The following NFKB1 variants were observed in gnomAD, a reference collection of about 807,000 sequenced individuals.
The protein encoded by NFKB1 is nuclear factor kappa B subunit 1, also known as nuclear factor NF-kappa-B p105 subunit.
A neutral mutation model predicts 105.1 loss-of-function variants in NFKB1; 9 were observed. The ratio of observed to expected loss-of-function variants is 0.09; its 90% CI spans 0.05 to 0.15. The LOEUF (loss-of-function observed/expected upper bound fraction) is 0.15. Ranked by LOEUF, NFKB1 falls within the 10% of genes least tolerant of loss-of-function variation. The pLI is 1.00. For synonymous variants in NFKB1, 440 were observed against 442.2 expected (o/e 1.00, Z 0.06); for missense variants, 830 against 1,203.7 (o/e 0.69, Z 4.59).
chr4:102,527,723 G>A (rs773808766), intron 2 of NFKB1, among the ~76,000 whole-genome samples: 10 of 152,020 alleles, frequency 6.6e-5, no homozygotes, highest in Admixed American at 6.6e-5. Flanking sequence ...TATCAAAACC[G>A]TTTGTTTTAC....
intron 9 of NFKB1, among the ~76,000 whole-genome samples, chr4:102,581,801 CTTAGTCA>C (rs1430377829): frequency 6.6e-6 from 1 of 152,116 alleles, no homozygotes; most frequent in East Asian, 1.9e-4. Flanking sequence ...AAATGAGATC[CTTAGTCA>C]TTATCATTAC....
At chr4:102,575,939 G>A (rs1238212737) in intron 6 of NFKB1, among the ~76,000 whole-genome samples, 1 of 152,172 alleles carries the variant, frequency 6.6e-6, no homozygotes, top group Admixed American at 6.5e-5. Flanking sequence ...GCACTGATAA[G>A]GATCTGCATA....
chr4:102,571,719 A>G (rs1724380652), intron 6 of NFKB1, among the ~76,000 whole-genome samples: 2 of 152,260 alleles, frequency 1.3e-5, no homozygotes, highest in South Asian at 4.1e-4. Context: ...TGCAGCCAAA[A>G]GACACATGAA....
chr4:102,549,532 G>A (rs1722410851), intron 5 of NFKB1, among the ~76,000 whole-genome samples: 1 of 151,112 alleles, frequency 6.6e-6, no homozygotes, highest in Non-Finnish European at 1.5e-5. Flanking sequence ...GTTTCATGGT[G>A]TTGAGTTATA....
chr4:102,542,569 C>T (rs1742074374), intron 5 of NFKB1, among the ~76,000 whole-genome samples: 2 of 152,160 alleles, frequency 1.3e-5, no homozygotes, highest in Admixed American at 1.3e-4. Flanking sequence ...ACTTATCCAT[C>T]ACTTTGTCCT....
chr4:102,534,687 G>A (rs1032673867), intron 4 of NFKB1, among the ~76,000 whole-genome samples: 1 of 152,184 alleles, frequency 6.6e-6, no homozygotes, highest in Non-Finnish European at 1.5e-5. Flanking sequence ...GTAAATCTTT[G>A]GATGGATAAA....
intron 1 of NFKB1, among the ~76,000 whole-genome samples, chr4:102,523,451 A>C (rs922116709): frequency 6.6e-6 from 1 of 152,166 alleles, no homozygotes; most frequent in Non-Finnish European, 1.5e-5. Context: ...TCACTCACAC[A>C]GTGCTCCAGC....
At chr4:102,541,205 C>G (rs191074437) in intron 5 of NFKB1, among the ~76,000 whole-genome samples, 211 of 152,266 alleles carry the variant, frequency 1.4e-3, no homozygotes, top group Middle Eastern at 0.01. Flanking sequence ...ACAAATGTCC[C>G]CTGGGGGGCA....
At chr4:102,562,513 T>A (rs1189012687) in intron 5 of NFKB1, among the ~76,000 whole-genome samples, 1 of 152,280 alleles carries the variant, frequency 6.6e-6, no homozygotes, top group South Asian at 2.1e-4. Flanking sequence ...TAGAGAAATG[T>A]TGGTTATTAG....
chr4:102,559,893 A>G (rs1477208126), intron 5 of NFKB1, among the ~76,000 whole-genome samples: 1 of 151,476 alleles, frequency 6.6e-6, no homozygotes, highest in Non-Finnish European at 1.5e-5. Flanking sequence ...AGCCATGATC[A>G]TACCACTGTA....
chr4:102,580,085 C>T (rs547969486), intron 8 of NFKB1, among the ~76,000 whole-genome samples: 2 of 152,162 alleles, frequency 1.3e-5, no homozygotes, highest in African/African-American at 4.8e-5. Flanking sequence ...TTTTCCTTAC[C>T]TGTAAAATAA....
chr4:102,593,320 C>T (rs1726323383), intron 11 of NFKB1, 105 bp from the exon 12 acceptor site: 9 of 1,058,076 alleles, frequency 8.5e-6, no homozygotes, highest in African/African-American at 1.6e-5. Context: ...TTTCTATTTC[C>T]CTTTAAGATG....
chr4:102,582,700 AAGTC>A (rs1725405926), intron 9 of NFKB1, among the ~76,000 whole-genome samples, 162 bp from the exon 10 acceptor site: 1 of 152,192 alleles, frequency 6.6e-6, no homozygotes, highest in African/African-American at 2.4e-5. Context: ...ATAATGAAAA[AAGTC>A]AGTGATTTGT....
chr4:102,558,417 A>G (rs1304804759), intron 5 of NFKB1, among the ~76,000 whole-genome samples: 2 of 152,166 alleles, frequency 1.3e-5, no homozygotes, highest in African/African-American at 2.4e-5. Flanking sequence ...TCAATTGGCC[A>G]TTTTTTAAAA....
intron 1 of NFKB1, among the ~76,000 whole-genome samples, chr4:102,520,453 T>C (rs770783944): frequency 6.6e-6 from 1 of 152,226 alleles, no homozygotes; most frequent in South Asian, 2.1e-4. Flanking sequence ...ACCTGTTGGA[T>C]TGACATTCCA....
At chr4:102,512,904 T>G (rs1412535104) in intron 1 of NFKB1, among the ~76,000 whole-genome samples, 3 of 152,204 alleles carry the variant, frequency 2.0e-5, no homozygotes, top group African/African-American at 7.2e-5. Flanking sequence ...TTTTGAGGAT[T>G]AATAGAATAA....
intron 15 of NFKB1, among the ~76,000 whole-genome samples, chr4:102,600,579 G>T (rs1049841502): frequency 6.6e-6 from 1 of 152,146 alleles, no homozygotes; most frequent in Non-Finnish European, 1.5e-5. Context: ...GCAGGATTGG[G>T]ATTTAAGCTT....
At chr4:102,557,052 G>A (rs1723037866) in intron 5 of NFKB1, 1 of 152,156 alleles carries the variant, frequency 6.6e-6, no homozygotes, top group South Asian at 2.1e-4. Context: ...GAACAAACAT[G>A]TTTCTCTGAA....
chr4:102,581,102 A>G (rs955742941), intron 9 of NFKB1, among the ~76,000 whole-genome samples: 2 of 152,340 alleles, frequency 1.3e-5, no homozygotes, highest in South Asian at 4.1e-4. Flanking sequence ...TGTTTAAGAA[A>G]AGGAAAGAAA....
Sources: gnomAD v4.1 joint callset for allele counts (sites outside exome capture counted in the v4.1 genomes callset) on GRCh38, gnomAD v4.1.1 for gene constraint, MANE v1.5 for transcripts, NCBI Gene and HGNC (gene_info 2026-07-23, HGNC 2026-07-21) for gene names.